Variants in ANAPC10 observed in about 807,000 individuals in gnomAD.
ANAPC10 encodes anaphase promoting complex subunit 10, also known as anaphase-promoting complex subunit 10.
ANAPC10 carries 12 observed loss-of-function variants against 22.0 expected under a neutral mutation model. That is an observed-to-expected ratio of 0.55 (90% confidence interval 0.35 to 0.88). ANAPC10 has a LOEUF of 0.88. ANAPC10 is among the 40% of genes least tolerant of loss of function. ANAPC10 has a pLI of 0.01. For missense variants in ANAPC10, 188 were observed against 220.9 expected, an observed-to-expected ratio of 0.85 and a Z score of 0.94; for synonymous variants, 65 against 69.5, an observed-to-expected ratio of 0.94 and a Z score of 0.32.
At chr4:145,074,718 CAAAT>C (rs1284740381) in intron 3 of ANAPC10, among the ~76,000 whole-genome samples, 5 of 152,150 alleles carry the variant, frequency 3.3e-5, no homozygotes, top group Non-Finnish European at 7.4e-5. Context: ...ACCATCTATA[CAAAT>C]AAATAACCAG....
chr4:145,069,349 G>GA (rs1220374661), intron 3 of ANAPC10, among the ~76,000 whole-genome samples: 3 of 152,140 alleles, frequency 2.0e-5, no homozygotes, highest in Non-Finnish European at 2.9e-5. Context: ...GCTACACAAA[G>GA]AAAAAACTCC....
chr4:145,005,045 T>C (rs2126878430), intron 4 of ANAPC10, among the ~76,000 whole-genome samples: 1 of 152,304 alleles, frequency 6.6e-6, no homozygotes, highest in South Asian at 2.1e-4. Flanking sequence ...AGGGATTCAA[T>C]ATCTTCCTTG....
rs117373487 is a variant in ANAPC10 at position 145,015,107 on chromosome 4, A to G, written c.328-19504T>C. ...AAAAGAAATCCCTGACTTACCTGAA[A>G]AAGAATTTGGGAGGTTAGTTATTAA... On this transcript the variant is annotated intron_variant, in intron 4 of 4. Transcript: ENST00000507656. 1.8e-4 allele frequency among the ~76,000 whole-genome samples: 28 copies of G among 152,210 alleles called. No individual in the cohort carries two copies. In the East Asian group the frequency reaches 4.8e-3, roughly 26 times the overall value.
intron 4 of ANAPC10, among the ~76,000 whole-genome samples, chr4:145,049,551 G>T (rs1354135596): frequency 6.6e-6 from 1 of 152,122 alleles, no homozygotes; most frequent in East Asian, 1.9e-4. Flanking sequence ...TAATGAGATT[G>T]CTGCAATTTG....
intron 4 of ANAPC10, among the ~76,000 whole-genome samples, chr4:145,009,774 T>C (rs1733998479): frequency 1.3e-5 from 2 of 152,176 alleles, no homozygotes; most frequent in South Asian, 2.1e-4. Flanking sequence ...AAGGACTTCA[T>C]GTCTAAAACA....
intron 4 of ANAPC10, among the ~76,000 whole-genome samples, chr4:145,042,801 C>T (rs1015726354): frequency 5.9e-5 from 9 of 151,676 alleles, no homozygotes; most frequent in Admixed American, 1.3e-4. Context: ...ACCCAGCAGG[C>T]GGTTTTCTGT....
At chr4:145,090,802 A>G (rs1369507769) in intron 2 of ANAPC10, among the ~76,000 whole-genome samples, 2 of 152,204 alleles carry the variant, frequency 1.3e-5, no homozygotes, top group Admixed American at 6.5e-5. Context: ...TAATTATTAC[A>G]TTATGTAGTA....
intron 3 of ANAPC10, among the ~76,000 whole-genome samples, chr4:145,072,501 A>G (rs1744630486): frequency 6.6e-6 from 1 of 152,240 alleles, no homozygotes; most frequent in Admixed American, 6.5e-5. Flanking sequence ...TGTTTGTAAT[A>G]TAATTTTTTG....
At chr4:145,060,358 C>T (rs1579071227) in intron 4 of ANAPC10, among the ~76,000 whole-genome samples, 1 of 151,796 alleles carries the variant, frequency 6.6e-6, no homozygotes, top group Non-Finnish European at 1.5e-5. Flanking sequence ...GGTCTGATGC[C>T]TTTGTAGAGA....
chr4:145,070,957 A>G (rs1744403461), intron 3 of ANAPC10, among the ~76,000 whole-genome samples: 1 of 152,216 alleles, frequency 6.6e-6, no homozygotes. Context: ...CACAGAGGCA[A>G]AAAATAAAAC....
At chr4:145,059,087 A>AC (rs1355286041) in intron 4 of ANAPC10, among the ~76,000 whole-genome samples, 2 of 152,198 alleles carry the variant, frequency 1.3e-5, no homozygotes, top group African/African-American at 4.8e-5. Flanking sequence ...GTTTATAGAT[A>AC]CTGCCTAAGC....
intron 4 of ANAPC10, among the ~76,000 whole-genome samples, chr4:145,044,193 T>G (rs1739939934): frequency 6.6e-6 from 1 of 152,056 alleles, no homozygotes; most frequent in South Asian, 2.1e-4. Flanking sequence ...GAAGAAAGAC[T>G]GAAGAATGGC....
intron 3 of ANAPC10, among the ~76,000 whole-genome samples, chr4:145,075,742 C>A (rs1178479504): frequency 6.6e-6 from 1 of 152,206 alleles, no homozygotes; most frequent in Non-Finnish European, 1.5e-5. Flanking sequence ...CACAACCCCC[C>A]CAGGCATCTG....
intron 3 of ANAPC10, among the ~76,000 whole-genome samples, chr4:145,072,343 G>A (rs1255506816): frequency 6.6e-6 from 1 of 152,116 alleles, no homozygotes; most frequent in Admixed American, 6.6e-5. Flanking sequence ...CACCTTAACA[G>A]ATCAGTAATA....
intron 4 of ANAPC10, among the ~76,000 whole-genome samples, chr4:145,003,209 G>T (rs1401356642): frequency 6.6e-6 from 1 of 152,096 alleles, no homozygotes; most frequent in Non-Finnish European, 1.5e-5. Flanking sequence ...TCTCTTTTAT[G>T]GCTGCACAGT....
chr4:145,075,006 T>C (rs1744994111), intron 3 of ANAPC10, among the ~76,000 whole-genome samples: 1 of 152,114 alleles, frequency 6.6e-6, no homozygotes, highest in South Asian at 2.1e-4. Context: ...TTTTTTATTA[T>C]TGTTTGGCTT....
At chr4:145,089,698 G>T (rs568674405) in intron 2 of ANAPC10, among the ~76,000 whole-genome samples, 1 of 152,202 alleles carries the variant, frequency 6.6e-6, no homozygotes. Flanking sequence ...TTTTTGCAAA[G>T]CCATGTGCCA....
At chr4:145,041,344 A>G (rs1034282598) in intron 4 of ANAPC10, among the ~76,000 whole-genome samples, 1 of 152,242 alleles carries the variant, frequency 6.6e-6, no homozygotes, top group Admixed American at 6.5e-5. Flanking sequence ...GTTTGACTTC[A>G]TCTTGACATG....
chr4:145,092,443 A>C (rs1345252110), intron 2 of ANAPC10, among the ~76,000 whole-genome samples: 1 of 152,216 alleles, frequency 6.6e-6, no homozygotes, highest in Non-Finnish European at 1.5e-5. Flanking sequence ...CCCAGGAGAA[A>C]AAAAGATTAC....
Sources: allele counts gnomAD v4.1 joint callset (sites outside exome capture counted in the v4.1 genomes callset), GRCh38; gene constraint gnomAD v4.1.1; transcripts MANE v1.5; gene names NCBI Gene and HGNC (gene_info 2026-07-23, HGNC 2026-07-21).